The following DOP1B variants were observed in gnomAD, a reference collection of about 807,000 sequenced individuals.
The protein encoded by DOP1B is DOP1 leucine zipper like protein B.
A neutral mutation model predicts 233.5 loss-of-function variants in DOP1B; 174 were observed. That is an observed-to-expected ratio of 0.75 (90% confidence interval 0.66 to 0.85). DOP1B has a LOEUF of 0.85. DOP1B is among the 40% of genes least tolerant of loss of function. The probability of loss-of-function intolerance (pLI) is 0.00; values close to 1 mark genes in which losing one functional copy is unlikely to be tolerated. For missense variants in DOP1B, 2,652 were observed against 2,846.6 expected, an observed-to-expected ratio of 0.93 and a Z score of 1.56; for synonymous variants, 1,190 against 1,185.6, an observed-to-expected ratio of 1.00 and a Z score of -0.08.
chr21:36,166,571 C>G (rs2065913134), intron 2 of DOP1B, among the ~76,000 whole-genome samples: 1 of 152,128 alleles, frequency 6.6e-6, no homozygotes, highest in African/African-American at 2.4e-5. Context: ...GAAAGTGACA[C>G]AGGGACTTTC....
chr21:36,168,891 TG>T, intron 2 of DOP1B: 1 of 458,158 alleles, frequency 2.2e-6, no homozygotes, highest in South Asian at 2.3e-5. Flanking sequence ...TCTCTCCCTG[TG>T]GGTTTTTTTT....
intron 36 of DOP1B, 148 bp from the exon 37 acceptor site, chr21:36,293,172 C>T (rs1385164667): frequency 5.4e-5 from 44 of 817,140 alleles, no homozygotes; most frequent in South Asian, 1.6e-4. Flanking sequence ...CGCTGCTGCA[C>T]TCCAGCCTGG....
chr21:36,180,429 G>C (rs139151833), intron 2 of DOP1B, among the ~76,000 whole-genome samples: 2 of 151,346 alleles, frequency 1.3e-5, no homozygotes, highest in African/African-American at 4.9e-5. Flanking sequence ...AATTAGCTGG[G>C]TGTGGTGGCG....
chr21:36,281,696 C>A, intron 32 of DOP1B, 85 bp downstream of exon 32: 1 of 1,281,804 alleles, frequency 7.8e-7, no homozygotes, highest in Non-Finnish European at 1.1e-6. Context: ...AATTTATTGC[C>A]TCACAGTTCT....
chr21:36,221,026 G>T (rs565740837), intron 10 of DOP1B, among the ~76,000 whole-genome samples: 9 of 152,080 alleles, frequency 5.9e-5, no homozygotes, highest in Admixed American at 1.3e-4. Context: ...GCACAGGCTG[G>T]TCTTGAATTC....
At chr21:36,265,769 A>G (rs1264122806) in intron 26 of DOP1B, among the ~76,000 whole-genome samples, 1 of 152,024 alleles carries the variant, frequency 6.6e-6, no homozygotes, top group African/African-American at 2.4e-5. Context: ...GCGACACCCT[A>G]TGCTTCTTCC....
At chr21:36,261,280 G>A in intron 24 of DOP1B, 1 of 950,972 alleles carries the variant, frequency 1.1e-6, no homozygotes, top group Non-Finnish European at 1.2e-6. Flanking sequence ...CAGGAGAATT[G>A]CATGAACCCA....
intron 2 of DOP1B, among the ~76,000 whole-genome samples, chr21:36,170,972 T>C (rs950173304): frequency 6.6e-6 from 1 of 152,202 alleles, no homozygotes; most frequent in Non-Finnish European, 1.5e-5. Context: ...GGTGATGCTG[T>C]CAGTCCCTAC....
At chr21:36,266,077 A>G (rs1362839074) in intron 26 of DOP1B, among the ~76,000 whole-genome samples, 4 of 152,176 alleles carry the variant, frequency 2.6e-5, no homozygotes, top group Admixed American at 2.0e-4. Flanking sequence ...TTGACAGACC[A>G]GCTCTAAACT....
chr21:36,172,377 G>A (rs1298910290), intron 2 of DOP1B, among the ~76,000 whole-genome samples: 2 of 152,202 alleles, frequency 1.3e-5, no homozygotes, highest in Non-Finnish European at 2.9e-5. Flanking sequence ...GTGCTGGAGG[G>A]AGCACATCTT....
chr21:36,187,357 C>T lies in DOP1B; in HGVS notation c.139-11713C>T, dbSNP rs548475686. Among the ~76,000 whole-genome samples, 89 of 152,076 alleles carry T rather than the reference C, an allele frequency of 5.9e-4. No individual in the cohort carries two copies. In the South Asian group the frequency reaches 0.013, roughly 23 times the overall value. Reference sequence around the variant, plus strand: ...TTGCCCAGGCTGGAGTGCAGTGGCACCATCTCAGCTCACTGCAACCTCCGC... The same window carrying T: ...TTGCCCAGGCTGGAGTGCAGTGGCATCATCTCAGCTCACTGCAACCTCCGC... On this transcript the variant is annotated intron_variant, in intron 2 of 36. Coordinates refer to ENST00000691173, the MANE Select transcript of DOP1B (RefSeq NM_001320714.2).
intron 10 of DOP1B, among the ~76,000 whole-genome samples, chr21:36,221,876 T>C (rs2066627363): frequency 6.6e-6 from 1 of 152,048 alleles, no homozygotes; most frequent in South Asian, 2.1e-4. Flanking sequence ...GCGCACAGCC[T>C]GTTTGTTTGT....
chr21:36,230,639 A>G lies in DOP1B; in HGVS notation c.1855A>G (p.Lys619Glu). The G allele has an allele frequency of 1.2e-6, 2 of 1,614,172 alleles. No homozygotes were observed. The highest frequency in any genetic ancestry group is 1.7e-6 in the Non-Finnish European group (2 of 1,180,038). The change falls in exon 14 of 37, where the codon AAG becomes GAG. Residue 619 changes from lysine (K) to glutamate (E), a missense_variant. Transcript: ENST00000691173. ...VSLERDDVWKKGGSMQRTFLC... is the reference protein window; with the variant it reads ...VSLERDDVWKEGGSMQRTFLC... Reference sequence around the variant, plus strand: ...TCTGGAAAGGGACGACGTTTGGAAGAAGGGCGGGAGCATGCAGAGGACGTT... The same window carrying G: ...TCTGGAAAGGGACGACGTTTGGAAGGAGGGCGGGAGCATGCAGAGGACGTT...
At chr21:36,159,318 G>A (rs1482971682) in intron 1 of DOP1B, among the ~76,000 whole-genome samples, 2 of 151,990 alleles carry the variant, frequency 1.3e-5, no homozygotes, top group Non-Finnish European at 2.9e-5. Flanking sequence ...GGGCGTGGTG[G>A]CACCTGCCTG....
Position 36,260,648 on chromosome 21 carries a change from G to A in DOP1B, c.5260-29G>A, listed in dbSNP as rs201427956. Reference sequence around the variant, plus strand: ...TTTTAGCCTTATTTCCCACCAACTCGGAGTAATTGGTTTTACTTTCATTTT... The same window carrying A: ...TTTTAGCCTTATTTCCCACCAACTCAGAGTAATTGGTTTTACTTTCATTTT... On this transcript the variant is annotated intron_variant, in intron 23 of 36. Transcript: ENST00000691173. 211 of 1,612,870 alleles carry A rather than the reference G, an allele frequency of 1.3e-4. No homozygotes were observed. Among genetic ancestry groups the A allele is most frequent in the Non-Finnish European group, 1.6e-4 (194 of 1,179,690 alleles).
intron 2 of DOP1B, among the ~76,000 whole-genome samples, chr21:36,194,305 A>G (rs2066264098): frequency 6.6e-6 from 1 of 152,006 alleles, no homozygotes; most frequent in South Asian, 2.1e-4. Context: ...TCTCTAGATC[A>G]CTCTGCTCTA....
chr21:36,258,007 GTAGA>G (rs1227712017), intron 23 of DOP1B, among the ~76,000 whole-genome samples: 8 of 144,834 alleles, frequency 5.5e-5, no homozygotes, highest in South Asian at 2.3e-4. Context: ...AGGTAGGTAG[GTAGA>G]TAGGTAGAGA....
Position 36,156,875 on chromosome 21 carries a change from C to G in DOP1B, c.-95C>G, listed in dbSNP as rs1263924383. 6.6e-6 allele frequency: 1 copy of G among 152,484 alleles called. No individual in the cohort carries two copies. Among genetic ancestry groups the G allele is most frequent in the Admixed American group, 6.5e-5 (1 of 15,274 alleles). 9.4% of individuals were successfully genotyped at this position (152,484 alleles called of 1,614,324 possible). ...GCCGCGCCGCAGCCCTGCCCAGTCT[C>G]TCTCCCCCAGCCCGGAGGGCTCCTC... is the stretch of plus-strand genomic sequence containing the variant. On this transcript the variant is annotated 5_prime_UTR_variant, in exon 1 of 37. Transcript: ENST00000691173.
In DOP1B at chr21:36,162,846, G is replaced by T. The variant is rs569610117; in HGVS notation, c.-26-1862G>T. ...CAGGTGTGAGTCACCATGCCCAGCC[G>T]CCAGGGAATGTATTTAGCAGTTGGT... On this transcript the variant is annotated intron_variant, in intron 1 of 36. Transcript: ENST00000691173. Among the ~76,000 whole-genome samples, 8 of 152,094 alleles carry T rather than the reference G, an allele frequency of 5.3e-5. No individual in the cohort carries two copies. The South Asian group carries it at 1.5e-3, about 28-fold the overall frequency.
Sources: gnomAD v4.1 joint callset for allele counts (sites outside exome capture counted in the v4.1 genomes callset) on GRCh38, gnomAD v4.1.1 for gene constraint, MANE v1.5 for transcripts, NCBI Gene and HGNC (gene_info 2026-07-23, HGNC 2026-07-21) for gene names.